The following WDR97 variants were observed in gnomAD, a reference collection of about 807,000 sequenced individuals.
WDR97 encodes WD repeat-containing protein 97.
In WDR97, 111 loss-of-function variants were observed where a neutral mutation model predicts 65.4. The ratio of observed to expected loss-of-function variants is 1.70; its 90% CI spans 1.45 to 1.99. WDR97 has a LOEUF of 1.99. Ranked by LOEUF, WDR97 falls within the 30% of genes most tolerant of loss-of-function variation. The pLI is 0.00. For synonymous variants in WDR97, 802 were observed against 397.7 expected (o/e 2.02, Z -12.10); for missense variants, 1,674 against 865.0 (o/e 1.94, Z -11.73).
chr8:144,112,642 T>C (rs1836574033), intron 15 of WDR97, 112 bp downstream of exon 15: 2 of 670,108 alleles, frequency 3.0e-6, no homozygotes, highest in East Asian at 2.7e-5. Flanking sequence ...CCAAGGGCCA[T>C]GCCCACCTAC....
rs1836500987 is a variant in WDR97, at chr8:144,109,627, G to A, written c.1293G>A (p.Ala431=). Residue 431 remains alanine, a synonymous_variant, in exon 5 of 24, where the codon GCG becomes GCA. Coordinates refer to ENST00000323662, the MANE Select transcript of WDR97 (RefSeq NM_001316309.2). Reference sequence around the variant, plus strand: ...CCAAGGTGCTCCACGTGCAGGTGGCGCCCGCGTTGCCCGCGCCTGCGCACC... The same window carrying A: ...CCAAGGTGCTCCACGTGCAGGTGGCACCCGCGTTGCCCGCGCCTGCGCACC... ...LPAKVLHVQV[A]PALPAPAHQS... The A allele has an allele frequency of 1.5e-6, 1 of 678,984 alleles. No homozygotes were observed. The highest frequency in any genetic ancestry group is 2.8e-5 in the East Asian group (1 of 35,626). The allele number at this position is 678,984 out of a possible 1,614,324, so 42.1% of individuals were successfully genotyped here.
At chr8:144,111,510 G>T (rs1218135037) in intron 11 of WDR97, 24 bp downstream of exon 11, 4 of 700,960 alleles carry the variant, frequency 5.7e-6, no homozygotes, top group Non-Finnish European at 1.0e-5. Flanking sequence ...TCCTTAGCCC[G>T]CCCTGCCCCG....
intron 10 of WDR97, 23 bp from the exon 11 acceptor site, chr8:144,111,403 C>T: frequency 1.4e-6 from 1 of 702,852 alleles, no homozygotes; most frequent in Non-Finnish European, 2.6e-6. Context: ...CAGCATCCCA[C>T]CTGTGCCTGT....
Position 144,113,515 on chromosome 8 carries a change from G to A in WDR97, c.3181G>A (p.Glu1061Lys), listed in dbSNP as rs1048284925. The A allele has an allele frequency of 4.2e-5, 29 of 694,748 alleles. No homozygotes were observed. The highest frequency in any genetic ancestry group is 3.7e-4 in the African/African-American group (21 of 57,232). The allele number at this position is 694,748 out of a possible 1,614,324, so 43.0% of individuals were successfully genotyped here. Residue 1061 changes from glutamate to lysine, a missense_variant and splice_region_variant, in exon 16 of 24, where the codon GAG becomes AAG. Transcript: ENST00000323662. ...GCTACAGCAGATGTGGCTAAATGCG[G>A]AGGTCAGCAGCCTCGGATCCCCGAC... ...AVLQQMWLNAEPGASQDALWL... is the reference protein window; with the variant it reads ...AVLQQMWLNAKPGASQDALWL...
Position 144,108,337 on chromosome 8 carries a change from G to A in WDR97, c.271G>A (p.Ala91Thr). ...VEKEKRAELR[A>T]ARLTHGLEPL... ...ACAGGAGAAGAGAGCCGAGCTGCGC[G>A]CGGCGCGCCTGACGCATGGGCTGGA... The change falls in exon 3 of 24, where the codon GCG (alanine) becomes ACG (threonine). Residue 91 changes from alanine (A) to threonine (T), a missense_variant. Physicochemically the swap from Ala to Thr is moderately conservative, Grantham distance 58 (BLOSUM62 0). Transcript: ENST00000323662. 1 of 693,540 alleles carries A rather than the reference G, an allele frequency of 1.4e-6. No homozygotes were observed. Among genetic ancestry groups the A allele is most frequent in the Non-Finnish European group, 2.6e-6 (1 of 382,270 alleles). The allele number at this position is 693,540 out of a possible 1,614,324, so 43.0% of individuals were successfully genotyped here. A position where few individuals can be genotyped will look rare whatever the true frequency, so the allele number is the denominator to read the frequency against.
intron 1 of WDR97, 71 bp from the exon 2 acceptor site, chr8:144,107,988 G>C: frequency 1.4e-6 from 1 of 701,610 alleles, no homozygotes. Flanking sequence ...CCCTGGAGGA[G>C]GGCTCCCCAT....
Position 144,111,620 on chromosome 8 carries a change from A to G in WDR97, c.2488-12A>G, listed in dbSNP as rs778460371. 3.4e-5 allele frequency: 23 copies of G among 681,924 alleles called. No homozygotes were observed. The highest frequency in any genetic ancestry group is 5.9e-5 in the Non-Finnish European group (22 of 373,618). 42.2% of individuals were successfully genotyped at this position (681,924 alleles called of 1,614,324 possible). A position where few individuals can be genotyped will look rare whatever the true frequency, so the allele number is the denominator to read the frequency against. On this transcript the variant is annotated splice_polypyrimidine_tract_variant and intron_variant, in intron 11 of 23. Transcript: ENST00000323662. ...CAAGGAAGAGCAGGCTGATCCCTGA[A>G]CCCTGACTCAGGACTTGGACGCCAT...
chr8:144,116,582 G>A lies in WDR97; in HGVS notation c.*289G>A, dbSNP rs1836672740. ...AGCGGGGTACCATCCGCTGGGCACT[G>A]AGCAAACGTTTTCTGCTCAAGTACT... On this transcript the variant is annotated 3_prime_UTR_variant, in exon 24 of 24. Coordinates refer to ENST00000323662, the MANE Select transcript of WDR97 (RefSeq NM_001316309.2). 2 of 351,986 alleles carry A rather than the reference G, an allele frequency of 5.7e-6. No individual in the cohort carries two copies. The highest frequency in any genetic ancestry group is 4.7e-5 in the East Asian group (1 of 21,488). The allele number at this position is 351,986 out of a possible 1,614,324, so 21.8% of individuals were successfully genotyped here.
chr8:144,109,478 T>A lies in WDR97; in HGVS notation c.1144T>A (p.Ser382Thr). 4.3e-6 allele frequency: 3 copies of A among 698,016 alleles called. No individual in the cohort carries two copies. The East Asian group carries it at 8.1e-5, about 19-fold the overall frequency. 43.2% of individuals were successfully genotyped at this position (698,016 alleles called of 1,614,324 possible). A position where few individuals can be genotyped will look rare whatever the true frequency, so the allele number is the denominator to read the frequency against. Residue 382 changes from serine to threonine, a missense_variant, in exon 5 of 24, where the codon TCC becomes ACC. Transcript: ENST00000323662. ...GGGCTTCTGGGGCCAGGACAAGCTG[T>A]CCCGGCGCGTGGGCCGTCTGCTGGC... ...ALGFWGQDKL[S>T]RRVGRLLAPV...
Position 144,116,339 on chromosome 8 carries a change from G to C in WDR97, c.*46G>C. ...CGCCTGGCTCTGGGGCCTGTCATTG[G>C]TATTTGGCCAAGGCCTGCATCGGGA... On this transcript the variant is annotated 3_prime_UTR_variant, in exon 24 of 24. Coordinates refer to ENST00000323662, the MANE Select transcript of WDR97 (RefSeq NM_001316309.2). The C allele has an allele frequency of 1.7e-6, 1 of 584,266 alleles. No individual in the cohort carries two copies. Among genetic ancestry groups the C allele is most frequent in the Non-Finnish European group, 3.1e-6 (1 of 327,764 alleles). The allele number at this position is 584,266 out of a possible 1,614,324, so 36.2% of individuals were successfully genotyped here.
In WDR97 at chr8:144,112,328, A is replaced by G. The variant is rs1270962683; in HGVS notation, c.3000A>G (p.Pro1000=). The G allele has an allele frequency of 1.4e-6, 1 of 702,670 alleles. No individual in the cohort carries two copies. The highest frequency in any genetic ancestry group is 1.7e-5 in the African/African-American group (1 of 57,342). The allele number at this position is 702,670 out of a possible 1,614,324, so 43.5% of individuals were successfully genotyped here. Residue 1000 remains proline (P), a synonymous_variant, in exon 14 of 24, where the codon CCA becomes CCG. Transcript: ENST00000323662. The part of the protein sequence containing the change: ...RGRTTMALDL[P]SSHLQCRIPL... ...GGACGACCATGGCCCTGGACCTGCC[A>G]TCCTCCCACTTGCAGTGCAGGGTGA...
Position 144,109,854 on chromosome 8 carries a change from C to A in WDR97, c.1520C>A (p.Pro507His). The A allele has an allele frequency of 1.4e-6, 1 of 698,124 alleles. No homozygotes were observed. The highest frequency in any genetic ancestry group is 2.6e-6 in the Non-Finnish European group (1 of 382,536). The allele number at this position is 698,124 out of a possible 1,614,324, so 43.2% of individuals were successfully genotyped here. A position where few individuals can be genotyped will look rare whatever the true frequency, so the allele number is the denominator to read the frequency against. Residue 507 changes from proline to histidine, a missense_variant, in exon 5 of 24, where the codon CCC (proline) becomes CAC (histidine). Coordinates refer to ENST00000323662, the MANE Select transcript of WDR97 (RefSeq NM_001316309.2). ...HLVRANAARC[P>H]MSVLHRVCPP... ...GTCCGCGCCAACGCGGCGCGCTGCCCCATGAGCGTGCTGCACCGCGTGTGC... is the reference window on the plus strand; with the variant it reads ...GTCCGCGCCAACGCGGCGCGCTGCCACATGAGCGTGCTGCACCGCGTGTGC...
In WDR97 at chr8:144,108,883, G is replaced by T. The variant is rs945490577; in HGVS notation, c.817G>T (p.Val273Leu). 2 of 702,812 alleles carry T rather than the reference G, an allele frequency of 2.8e-6. No individual in the cohort carries two copies. The highest frequency in any genetic ancestry group is 3.5e-5 in the African/African-American group (2 of 57,282). 43.5% of individuals were successfully genotyped at this position (702,812 alleles called of 1,614,324 possible). Residue 273 changes from valine (V) to leucine (L), a missense_variant, in exon 3 of 24, where the codon GTG becomes TTG. By Grantham distance (32) the Val-to-Leu change is conservative. Transcript: ENST00000323662. Reference protein sequence around the residue: ...LRCFAAYGSAVLTFDLHAWTL... With the variant: ...LRCFAAYGSALLTFDLHAWTL... ...CTGCTTCGCGGCCTATGGCTCGGCC[G>T]TGCTCACCTTCGATCTGCATGCCTG...
In WDR97 at chr8:144,108,388, G is replaced by A; in HGVS notation, c.322G>A (p.Ala108Thr). 1 of 697,578 alleles carries A rather than the reference G, an allele frequency of 1.4e-6. No homozygotes were observed. Among genetic ancestry groups the A allele is most frequent in the Non-Finnish European group, 2.6e-6 (1 of 383,052 alleles). The allele number at this position is 697,578 out of a possible 1,614,324, so 43.2% of individuals were successfully genotyped here. Residue 108 changes from alanine to threonine, a missense_variant, in exon 3 of 24, where the codon GCC (alanine) becomes ACC (threonine). Physicochemically the swap from Ala to Thr is moderately conservative, Grantham distance 58. Transcript: ENST00000323662. ...LEPLRRLEVA[A>T]GLRSVAQDPV... ...ACCACTGCGCCGCCTGGAGGTGGCAGCCGGGCTGCGCTCGGTGGCGCAGGA... is the reference window on the plus strand; with the variant it reads ...ACCACTGCGCCGCCTGGAGGTGGCAACCGGGCTGCGCTCGGTGGCGCAGGA...
Position 144,115,715 on chromosome 8 carries a change from C to A in WDR97, c.4452C>A (p.Ile1484=), listed in dbSNP as rs1317216186. The A allele has an allele frequency of 1.0e-5, 7 of 701,664 alleles. No individual in the cohort carries two copies. Among genetic ancestry groups the A allele is most frequent in the South Asian group, 4.4e-5 (3 of 67,514 alleles). 43.5% of individuals were successfully genotyped at this position (701,664 alleles called of 1,614,324 possible). A position where few individuals can be genotyped will look rare whatever the true frequency, so the allele number is the denominator to read the frequency against. The change falls in exon 22 of 24, where the codon ATC becomes ATA. Residue 1484 remains isoleucine, a synonymous_variant. Transcript: ENST00000323662. ...SHSQLLDLGP[I]DALNFFCEQL... ...CGCAGCTGCTGGACTTGGGCCCCAT[C>A]GACGCGCTCAACTTCTTCTGTGAGC...
rs1317095315 is a variant in WDR97 at position 144,108,048 on chromosome 8, C to T, written c.113-11C>T. 5 of 702,640 alleles carry T rather than the reference C, an allele frequency of 7.1e-6. No individual in the cohort carries two copies. The highest frequency in any genetic ancestry group is 5.2e-5 in the African/African-American group (3 of 57,278). The allele number at this position is 702,640 out of a possible 1,614,324, so 43.5% of individuals were successfully genotyped here. ...GCTGTAGGTGGCAGAACTTCCAGTTCCTGCCCGCAGAGTTGACTTTCACGG... is the reference window on the plus strand; with the variant it reads ...GCTGTAGGTGGCAGAACTTCCAGTTTCTGCCCGCAGAGTTGACTTTCACGG... On this transcript the variant is annotated splice_polypyrimidine_tract_variant and intron_variant, in intron 1 of 23. Coordinates refer to ENST00000323662, the MANE Select transcript of WDR97 (RefSeq NM_001316309.2).
chr8:144,113,296 G>C, intron 15 of WDR97, 144 bp from the exon 16 acceptor site: 1 of 658,800 alleles, frequency 1.5e-6, no homozygotes, highest in Non-Finnish European at 2.7e-6. Flanking sequence ...AGTAGGGGTT[G>C]CTAGCTCAGC....
intron 15 of WDR97, 74 bp from the exon 16 acceptor site, chr8:144,113,366 A>G: frequency 1.4e-6 from 1 of 691,048 alleles, no homozygotes; most frequent in South Asian, 1.5e-5. Context: ...CTGAGAGGTT[A>G]TACAGGTGAC....
At position 144,110,542 on chromosome 8, in the gene WDR97, A is replaced by G. The variant is rs1183547616; in HGVS notation, c.2045A>G (p.His682Arg). The G allele has an allele frequency of 1.4e-6, 1 of 702,832 alleles. No individual in the cohort carries two copies. The highest frequency in any genetic ancestry group is 2.0e-5 in the Admixed American group (1 of 50,014). The allele number at this position is 702,832 out of a possible 1,614,324, so 43.5% of individuals were successfully genotyped here. The change falls in exon 7 of 24, where the codon CAC becomes CGC. Residue 682 changes from histidine to arginine, a missense_variant. Coordinates refer to ENST00000323662, the MANE Select transcript of WDR97 (RefSeq NM_001316309.2). ...FGLGDSPRLD[H>R]RPQDDPTDHI... is the part of the protein sequence containing the mutation. ...CTGGGCGACAGTCCGCGATTAGACC[A>G]CCGGCCCCAGGACGACCCCACGGAC...
Sources: allele counts gnomAD v4.1 joint callset, GRCh38; gene constraint gnomAD v4.1.1; transcripts MANE v1.5; gene names NCBI Gene and HGNC (gene_info 2026-07-23, HGNC 2026-07-21).